RNF17: variants seen among roughly 807,000 people sequenced by gnomAD.
RNF17 encodes spermatogenesis associated 23.
Under a neutral mutation model 200.5 loss-of-function variants are expected in RNF17, and 31 were observed. That is an observed-to-expected ratio of 0.15 (90% CI 0.12 to 0.21). The LOEUF is 0.21. RNF17 is among the 10% of genes least tolerant of loss of function. The probability of loss-of-function intolerance (pLI) is 1.00; values close to 1 mark genes in which losing one functional copy is unlikely to be tolerated. For missense variants in RNF17, 1,628 were observed against 1,905.1 expected (o/e 0.85, Z 2.71); for synonymous variants, 606 against 637.8 (o/e 0.95, Z 0.75).
downstream of RNF17, chr13:24,884,168 TC>T: frequency 6.2e-7 from 1 of 1,614,154 alleles, no homozygotes; most frequent in South Asian, 1.1e-5. Flanking sequence ...TACCTATTTG[TC>T]CACTTGAGAA....
the RNF17 span, chr13:24,750,791 C>T: frequency 2.0e-5 from 3 of 152,070 alleles, no homozygotes; most frequent in African/African-American, 2.4e-5. Context: ...TTTTCACTCT[C>T]GAAACAGCAG....
In RNF17 at chr13:24,779,597, T is replaced by C. The variant is rs1418761838; in HGVS notation, c.430-70T>C. ...AACGGTAGCCTGAATTTTTTGCAAC[T>C]ATAATATATATATGTCTAGGCATCT... On this transcript the variant is annotated intron_variant, in intron 4 of 35. Coordinates refer to ENST00000255324, the MANE Select transcript of RNF17 (RefSeq NM_031277.3). 7 of 1,244,740 alleles carry C rather than the reference T, an allele frequency of 5.6e-6. No individual in the cohort carries two copies. In the Admixed American group the frequency reaches 1.1e-4, roughly 20 times the overall value. The allele number at this position is 1,244,740 out of a possible 1,614,324, so 77.1% of individuals were successfully genotyped here.
At chr13:24,876,199 C>T (rs1894838291) in intron 33 of RNF17, among the ~76,000 whole-genome samples, 1 of 152,178 alleles carries the variant, frequency 6.6e-6, no homozygotes, top group Non-Finnish European at 1.5e-5. Context: ...ACAAATGTGT[C>T]ATGATCTTGA....
At chr13:24,873,990 G>T in intron 32 of RNF17, 124 bp from the exon 33 acceptor site, 2 of 881,128 alleles carry the variant, frequency 2.3e-6, no homozygotes, top group South Asian at 1.7e-5. Flanking sequence ...CCGTATCTTG[G>T]CTATTGTGAA....
In RNF17 at chr13:24,804,434, G is replaced by A; in HGVS notation, c.2091+5G>A. On this transcript the variant is annotated splice_donor_5th_base_variant and intron_variant, in intron 15 of 35. Coordinates refer to ENST00000255324, the MANE Select transcript of RNF17 (RefSeq NM_031277.3). Reference sequence around the variant, plus strand: ...GGAGATTTCTATCTTCAGTTGGTAAGTATATAATGTGTTTTTGAAATGAAG... The same window carrying A: ...GGAGATTTCTATCTTCAGTTGGTAAATATATAATGTGTTTTTGAAATGAAG... 6.3e-7 allele frequency: 1 copy of A among 1,581,534 alleles called. No individual in the cohort carries two copies. Among genetic ancestry groups the A allele is most frequent in the Non-Finnish European group, 8.6e-7 (1 of 1,166,926 alleles).
chr13:24,829,485 T>C (rs1889148922), intron 16 of RNF17, among the ~76,000 whole-genome samples: 1 of 152,232 alleles, frequency 6.6e-6, no homozygotes, highest in Non-Finnish European at 1.5e-5. Context: ...AGCAAGGGGA[T>C]TCCAGTGGAA....
At chr13:24,835,526 G>A (rs1017406117) in intron 18 of RNF17, among the ~76,000 whole-genome samples, 4 of 152,220 alleles carry the variant, frequency 2.6e-5, no homozygotes, top group Middle Eastern at 3.4e-3. Flanking sequence ...CAGTACCAGC[G>A]CAGAACCAGG....
chr13:24,871,958 CTTTTTTTTTTTTTTTT>C (rs60797153), intron 32 of RNF17, among the ~76,000 whole-genome samples: 1 of 71,728 alleles, frequency 1.4e-5, no homozygotes, highest in Admixed American at 1.8e-4. Flanking sequence ...TTATTGATGA[CTTTTTTTTTTTTTTTT>C]TTTTTTTTTT....
At chr13:24,852,821 C>G (rs1892084981) in intron 24 of RNF17, among the ~76,000 whole-genome samples, 1 of 152,196 alleles carries the variant, frequency 6.6e-6, no homozygotes. Context: ...CAGACTAAAA[C>G]TACTAGCTAT....
At chr13:24,883,560 A>ATTGTT (rs1953927396), downstream of RNF17, among the ~76,000 whole-genome samples, 1 of 152,184 alleles carries the variant, frequency 6.6e-6, no homozygotes, top group African/African-American at 2.4e-5. Context: ...TCAGATTAGC[A>ATTGTT]TTGTTTTAAT....
chr13:24,853,990 T>C lies in RNF17; in HGVS notation c.3456T>C (p.Ser1152=). ...ACAAGAAAACTGCTGACATAATCAGTGAACAGAAAGTGTCTGAATTTCAGG... is the reference window on the plus strand; with the variant it reads ...ACAAGAAAACTGCTGACATAATCAGCGAACAGAAAGTGTCTGAATTTCAGG... ...DPDKKTADII[S]EQKVSEFQEK... is the part of the protein sequence containing the mutation. The change falls in exon 25 of 36, where the codon AGT becomes AGC. Residue 1152 remains serine (S), a synonymous_variant. Coordinates refer to ENST00000255324, the MANE Select transcript of RNF17 (RefSeq NM_031277.3). 6.2e-7 allele frequency: 1 copy of C among 1,614,176 alleles called. No homozygotes were observed. Among genetic ancestry groups the C allele is most frequent in the Non-Finnish European group, 8.5e-7 (1 of 1,180,012 alleles).
At chr13:24,882,999 G>T, downstream of RNF17, 1 of 617,946 alleles carries the variant, frequency 1.6e-6, no homozygotes, top group Non-Finnish European at 2.9e-6. Flanking sequence ...AATTATAAAT[G>T]AGAGCTATCA....
At chr13:24,757,043 C>A in the RNF17 span, among the ~76,000 whole-genome samples, 1 of 152,020 alleles carries the variant, frequency 6.6e-6, no homozygotes, top group Non-Finnish European at 1.5e-5. Context: ...AATTAGCCAC[C>A]AAGACAGTTC....
intron 15 of RNF17, among the ~76,000 whole-genome samples, chr13:24,813,568 C>T (rs561036741): frequency 3.9e-5 from 6 of 152,130 alleles, no homozygotes; most frequent in Admixed American, 6.6e-5. Flanking sequence ...TGCAGTTGAT[C>T]GTTGAACAAG....
chr13:24,829,733 A>G (rs917389318), intron 16 of RNF17, among the ~76,000 whole-genome samples: 1 of 152,210 alleles, frequency 6.6e-6, no homozygotes, highest in African/African-American at 2.4e-5. Flanking sequence ...AGTATTTTCA[A>G]AAAGGTTAGT....
chr13:24,881,494 C>T (rs1953812043), downstream of RNF17, among the ~76,000 whole-genome samples: 1 of 151,904 alleles, frequency 6.6e-6, no homozygotes, highest in African/African-American at 2.4e-5. Context: ...AAAATCCTTA[C>T]CTCTCCTGAG....
intron 25 of RNF17, among the ~76,000 whole-genome samples, chr13:24,858,120 A>G (rs559318739): frequency 6.6e-6 from 1 of 152,256 alleles, no homozygotes; most frequent in African/African-American, 2.4e-5. Flanking sequence ...TTGGCTCCTA[A>G]TTAGTACCTA....
At chr13:24,797,069 T>TA (rs1884663846) in intron 11 of RNF17, among the ~76,000 whole-genome samples, 2 of 152,164 alleles carry the variant, frequency 1.3e-5, no homozygotes, top group African/African-American at 2.4e-5. Context: ...TTCTAAAACT[T>TA]AAAAAATAAC....
upstream of RNF17, among the ~76,000 whole-genome samples, chr13:24,763,477 A>C (rs934290904): frequency 1.0e-4 from 15 of 148,658 alleles, no homozygotes; most frequent in African/African-American, 3.7e-4. Context: ...CTGGCCTCCC[A>C]AAGTGCTGGC....
Sources: allele counts gnomAD v4.1 joint callset (sites outside exome capture counted in the v4.1 genomes callset), GRCh38; gene constraint gnomAD v4.1.1; transcripts MANE v1.5; gene names NCBI Gene and HGNC (gene_info 2026-07-23, HGNC 2026-07-21).